The following TNPO1 variants were observed in gnomAD, a reference collection of about 807,000 sequenced individuals.
TNPO1 encodes transportin-1.
A neutral mutation model predicts 119.5 loss-of-function variants in TNPO1; 8 were observed. The ratio of observed to expected loss-of-function variants is 0.07; its 90% CI spans 0.04 to 0.12. The LOEUF (loss-of-function observed/expected upper bound fraction) is 0.12. Among genes scored for constraint, TNPO1 ranks in the 10% least tolerant of loss-of-function variants. TNPO1 has a pLI of 1.00. For synonymous variants in TNPO1, 362 were observed against 363.0 expected (o/e 1.00, Z 0.03); for missense variants, 576 against 1,089.8 (o/e 0.53, Z 6.64).
intron 9 of TNPO1, chr5:72,878,994 T>C (rs1278143562): frequency 2.2e-6 from 1 of 454,686 alleles, no homozygotes; most frequent in Non-Finnish European, 4.4e-6. Context: ...TGGCTTTGTT[T>C]AGTTTGCCGC....
At chr5:72,896,175 C>T (rs1013782654) in intron 18 of TNPO1, among the ~76,000 whole-genome samples, 3 of 151,842 alleles carry the variant, frequency 2.0e-5, no homozygotes, top group African/African-American at 7.3e-5. Context: ...TAAAATATAC[C>T]CAAACTTGTA....
intron 1 of TNPO1, among the ~76,000 whole-genome samples, chr5:72,829,651 C>A (rs367988939): frequency 6.6e-5 from 10 of 152,156 alleles, no homozygotes; most frequent in African/African-American, 2.2e-4. Flanking sequence ...AAATGTTTTA[C>A]TTCTAGAAGC....
chr5:72,888,914 A>T (rs1010647158), intron 13 of TNPO1, among the ~76,000 whole-genome samples: 1 of 152,142 alleles, frequency 6.6e-6, no homozygotes, highest in Non-Finnish European at 1.5e-5. Flanking sequence ...TATTACTACA[A>T]ATATTCCAGT....
intron 24 of TNPO1, among the ~76,000 whole-genome samples, chr5:72,906,836 G>A (rs1403716906): frequency 3.3e-5 from 5 of 152,174 alleles, no homozygotes; most frequent in African/African-American, 1.2e-4. Context: ...AACTGGGCCA[G>A]TACAATAAAT....
At chr5:72,907,148 C>G (rs1289683164) in intron 24 of TNPO1, among the ~76,000 whole-genome samples, 1 of 152,108 alleles carries the variant, frequency 6.6e-6, no homozygotes, top group African/African-American at 2.4e-5. Flanking sequence ...AGTCTTGAGT[C>G]CTCAAGAGCT....
intron 1 of TNPO1, among the ~76,000 whole-genome samples, chr5:72,828,910 T>C (rs1744325499): frequency 6.6e-6 from 1 of 152,216 alleles, no homozygotes; most frequent in South Asian, 2.1e-4. Flanking sequence ...TGATAAACAT[T>C]AGGACAGAAG....
rs1748000771 is a variant in TNPO1, at chr5:72,878,642, C to A, written c.920+1296C>A. The A allele has an allele frequency of 1.6e-5, 3 of 185,282 alleles. No homozygotes were observed. In the Admixed American group the frequency reaches 1.9e-4, roughly 11 times the overall value. The allele number at this position is 185,282 out of a possible 1,614,324, so 11.5% of individuals were successfully genotyped here. A position where few individuals can be genotyped will look rare whatever the true frequency, so the allele number is the denominator to read the frequency against. ...GCAAGGTGCGTCGTATCTTGCTTAA[C>A]CTTGCCCTCGAAATACACTGACTGG... On this transcript the variant is annotated intron_variant, in intron 9 of 24. Coordinates refer to ENST00000337273, the MANE Select transcript of TNPO1 (RefSeq NM_002270.4).
rs1368557384 is a variant in TNPO1, at chr5:72,912,349, A to G, written c.*3676A>G. On this transcript the variant is annotated 3_prime_UTR_variant, in exon 25 of 25. Coordinates refer to ENST00000337273, the MANE Select transcript of TNPO1 (RefSeq NM_002270.4). ...GATCTGAATTGCTTAAATTGCATATATTGTAAAATAGGATCAGATGTATAT... is the reference window on the plus strand; with the variant it reads ...GATCTGAATTGCTTAAATTGCATATGTTGTAAAATAGGATCAGATGTATAT... 6.6e-6 allele frequency: 1 copy of G among 152,522 alleles called. No individual in the cohort carries two copies. The highest frequency in any genetic ancestry group is 1.5e-5 in the Non-Finnish European group (1 of 67,944). 9.4% of individuals were successfully genotyped at this position (152,522 alleles called of 1,614,324 possible).
chr5:72,905,879 A>G (rs1750106516), intron 24 of TNPO1, among the ~76,000 whole-genome samples: 1 of 152,208 alleles, frequency 6.6e-6, no homozygotes, highest in Admixed American at 6.5e-5. Flanking sequence ...CCTAGGGGAC[A>G]GAGCAAGACT....
At chr5:72,886,492 ATT>A (rs1363951189) in intron 11 of TNPO1, among the ~76,000 whole-genome samples, 1 of 152,224 alleles carries the variant, frequency 6.6e-6, no homozygotes, top group Non-Finnish European at 1.5e-5. Context: ...GTGGCACAGT[ATT>A]TGTTTTACTG....
chr5:72,903,141 A>G (rs1749911547), intron 22 of TNPO1, among the ~76,000 whole-genome samples: 1 of 152,126 alleles, frequency 6.6e-6, no homozygotes, highest in Non-Finnish European at 1.5e-5. Context: ...CTTTTAAGTA[A>G]TTGTCCAAAA....
At chr5:72,894,523 T>A (rs1749282082) in intron 18 of TNPO1, among the ~76,000 whole-genome samples, 1 of 152,082 alleles carries the variant, frequency 6.6e-6, no homozygotes, top group Non-Finnish European at 1.5e-5. Flanking sequence ...TACAAAAACT[T>A]AGCCAGGCGT....
intron 23 of TNPO1, among the ~76,000 whole-genome samples, chr5:72,904,550 C>T (rs1750003633): frequency 6.6e-6 from 1 of 152,320 alleles, no homozygotes; most frequent in Non-Finnish European, 1.5e-5. Context: ...AATCCCAGCA[C>T]TTTGGGAGGC....
chr5:72,912,040 T>TG lies in TNPO1; in HGVS notation c.*3368dup. On this transcript the variant is annotated 3_prime_UTR_variant, in exon 25 of 25. Transcript: ENST00000337273. Reference sequence around the variant, plus strand: ...CAGGAAAGAATTTTGCTTTTTGTATTGTCTAATCTCTTCAATGACTTCATA... The same window carrying TG: ...CAGGAAAGAATTTTGCTTTTTGTATTGGTCTAATCTCTTCAATGACTTCATA... The TG allele has an allele frequency of 1.3e-5, 2 of 152,634 alleles. No homozygotes were observed. The highest frequency in any genetic ancestry group is 4.1e-4 in the South Asian group (2 of 4,828). 9.5% of individuals were successfully genotyped at this position (152,634 alleles called of 1,614,324 possible).
At chr5:72,830,555 A>G (rs554116680) in intron 1 of TNPO1, among the ~76,000 whole-genome samples, 8 of 152,190 alleles carry the variant, frequency 5.3e-5, no homozygotes, top group Non-Finnish European at 1.0e-4. Context: ...GATCCTGCAC[A>G]TACAAGCACT....
chr5:72,836,436 G>T (rs1744697793), intron 1 of TNPO1, among the ~76,000 whole-genome samples: 1 of 152,206 alleles, frequency 6.6e-6, no homozygotes, highest in Non-Finnish European at 1.5e-5. Context: ...ACCTGGGTGT[G>T]GCTGTGCCAC....
At chr5:72,858,511 A>C (rs1432403333) in intron 4 of TNPO1, among the ~76,000 whole-genome samples, 1 of 152,154 alleles carries the variant, frequency 6.6e-6, no homozygotes, top group Non-Finnish European at 1.5e-5. Context: ...CTTCCCAAAG[A>C]GGGGAGAAAT....
intron 11 of TNPO1, among the ~76,000 whole-genome samples, chr5:72,884,868 G>A (rs1748508884): frequency 6.6e-6 from 1 of 152,150 alleles, no homozygotes; most frequent in Non-Finnish European, 1.5e-5. Context: ...AAAGATGCCA[G>A]CAGCACAAAC....
chr5:72,864,910 A>C (rs1746767058), intron 5 of TNPO1, among the ~76,000 whole-genome samples: 1 of 152,120 alleles, frequency 6.6e-6, no homozygotes, highest in African/African-American at 2.4e-5. Flanking sequence ...CACCTGGCCT[A>C]AGTAACTTTT....
Sources: gnomAD v4.1 joint callset for allele counts (sites outside exome capture counted in the v4.1 genomes callset) on GRCh38, gnomAD v4.1.1 for gene constraint, MANE v1.5 for transcripts, NCBI Gene and HGNC (gene_info 2026-07-23, HGNC 2026-07-21) for gene names.